HNF4G: variants seen among roughly 807,000 people sequenced by gnomAD.
HNF4G encodes hepatocyte nuclear factor 4 gamma, also known as hepatocyte nuclear factor 4-gamma.
A neutral mutation model predicts 50.9 loss-of-function variants in HNF4G; 21 were observed. That is an observed-to-expected ratio of 0.41 (90% CI 0.29 to 0.59). The LOEUF (loss-of-function observed/expected upper bound fraction) is 0.59. Ranked by LOEUF, HNF4G falls within the 20% of genes least tolerant of loss-of-function variation. The probability of loss-of-function intolerance (pLI) is 0.26; values close to 1 mark genes in which losing one functional copy is unlikely to be tolerated. For missense variants in HNF4G, 527 were observed against 559.4 expected (o/e 0.94, Z 0.58); for synonymous variants, 198 against 185.6 (o/e 1.07, Z -0.54).
chr8:75,466,420 C>A (rs1462185365), intron 1 of HNF4G, among the ~76,000 whole-genome samples: 2 of 151,990 alleles, frequency 1.3e-5, no homozygotes, highest in Non-Finnish European at 2.9e-5. Context: ...CCTTCTATGG[C>A]ATTTTTTTCA....
At chr8:75,473,839 C>T (rs7006633) in intron 1 of HNF4G, among the ~76,000 whole-genome samples, 24,490 of 151,132 alleles carry the variant, frequency 0.16, 2,290 homozygotes, top group African/African-American at 0.25. Context: ...GTTTCTTGGG[C>T]ACGGTTTGGG....
Position 75,551,379 on chromosome 8 carries a change from T to G in HNF4G, c.383-9T>G, listed in dbSNP as rs753811196. ...AGTGCTCAATAAATACTGTGTTTTT[T>G]CCCCCTAGCTGTACAAAATGAACGT... On this transcript the variant is annotated splice_polypyrimidine_tract_variant and intron_variant, in intron 3 of 9. Coordinates refer to ENST00000396423, the MANE Select transcript of HNF4G (RefSeq NM_004133.5). 2.1e-5 allele frequency: 33 copies of G among 1,546,206 alleles called. No individual in the cohort carries two copies. Among genetic ancestry groups the G allele is most frequent in the African/African-American group, 2.7e-5 (2 of 73,490 alleles).
intron 1 of HNF4G, among the ~76,000 whole-genome samples, chr8:75,423,215 C>G (rs991641439): frequency 6.6e-6 from 1 of 151,954 alleles, no homozygotes; most frequent in Admixed American, 6.6e-5. Context: ...CATGCCTTCT[C>G]TAAGTCATTC....
chr8:75,531,290 T>G (rs1806320090), intron 2 of HNF4G, among the ~76,000 whole-genome samples: 1 of 152,126 alleles, frequency 6.6e-6, no homozygotes, highest in South Asian at 2.1e-4. Context: ...GCTCATCAAG[T>G]TCCATGAAGG....
intron 1 of HNF4G, among the ~76,000 whole-genome samples, chr8:75,418,456 C>T (rs924256472): frequency 3.9e-5 from 6 of 152,106 alleles, no homozygotes; most frequent in African/African-American, 1.2e-4. Context: ...TATTTGTTTT[C>T]GACTATCAAT....
intron 2 of HNF4G, among the ~76,000 whole-genome samples, chr8:75,509,545 A>G (rs1237697016): frequency 6.6e-6 from 1 of 152,230 alleles, no homozygotes; most frequent in Non-Finnish European, 1.5e-5. Context: ...TAAGACTTTT[A>G]GATAAGGCTC....
chr8:75,547,097 T>C (rs1806802646), intron 2 of HNF4G, among the ~76,000 whole-genome samples: 2 of 152,172 alleles, frequency 1.3e-5, no homozygotes, highest in South Asian at 2.1e-4. Context: ...GTACTCTCAA[T>C]GTTGTCCTCA....
At chr8:75,459,513 G>T (rs1282384692) in intron 1 of HNF4G, among the ~76,000 whole-genome samples, 3 of 152,126 alleles carry the variant, frequency 2.0e-5, no homozygotes, top group Admixed American at 2.0e-4. Flanking sequence ...GATCATAAAA[G>T]ATTTATTCTA....
chr8:75,455,333 T>A (rs184583704), intron 1 of HNF4G, among the ~76,000 whole-genome samples: 50 of 152,328 alleles, frequency 3.3e-4, no homozygotes, highest in African/African-American at 1.1e-3. Context: ...CTAGAAAGAT[T>A]GTATTTGTTT....
At chr8:75,514,337 T>C (rs1161466238) in intron 2 of HNF4G, among the ~76,000 whole-genome samples, 10 of 140,794 alleles carry the variant, frequency 7.1e-5, no homozygotes, top group Non-Finnish European at 1.6e-4. Flanking sequence ...TTCTTTTTTT[T>C]CCTTTCTTTC....
chr8:75,474,802 A>G (rs1812202704), intron 1 of HNF4G, among the ~76,000 whole-genome samples: 1 of 151,834 alleles, frequency 6.6e-6, no homozygotes, highest in South Asian at 2.1e-4. Context: ...GATTCACGCC[A>G]TTCTCCTGCC....
At chr8:75,530,440 A>G (rs1200882894) in intron 2 of HNF4G, among the ~76,000 whole-genome samples, 1 of 151,722 alleles carries the variant, frequency 6.6e-6, no homozygotes, top group Non-Finnish European at 1.5e-5. Context: ...TAAAAAAAAA[A>G]AATACTACCT....
rs76098620 is a variant in HNF4G, at chr8:75,496,511, A to G, written c.-24+6303A>G. Reference sequence around the variant, plus strand: ...TTTCTCAGGGCATTTTCAAACTCCTAGTTATTTTAAACAGCCACCAGAATT... The same window carrying G: ...TTTCTCAGGGCATTTTCAAACTCCTGGTTATTTTAAACAGCCACCAGAATT... On this transcript the variant is annotated intron_variant, in intron 2 of 10. Transcript: ENST00000354370. Among the ~76,000 whole-genome samples, 92 of 152,152 alleles carry G rather than the reference A, an allele frequency of 6.0e-4. 2 individuals carry two copies. The highest frequency in any genetic ancestry group is 1.2e-3 in the Non-Finnish European group (84 of 68,002).
chr8:75,493,943 T>C (rs1400234072), intron 2 of HNF4G, among the ~76,000 whole-genome samples: 6 of 152,204 alleles, frequency 3.9e-5, no homozygotes, highest in African/African-American at 1.4e-4. Flanking sequence ...TGCAGACATA[T>C]ACATCAATGC....
chr8:75,415,456 GA>G (rs1810611447), intron 1 of HNF4G, among the ~76,000 whole-genome samples: 1 of 152,002 alleles, frequency 6.6e-6, no homozygotes, highest in African/African-American at 2.4e-5. Context: ...GAGTAAAATA[GA>G]AAAAGGTGAT....
intron 1 of HNF4G, among the ~76,000 whole-genome samples, chr8:75,421,954 C>T (rs922040291): frequency 1.3e-5 from 2 of 151,990 alleles, no homozygotes; most frequent in African/African-American, 2.4e-5. Flanking sequence ...TGTGTGTGCG[C>T]GTCAGGTGGA....
chr8:75,434,082 C>T (rs756819901), intron 1 of HNF4G, among the ~76,000 whole-genome samples: 1 of 147,998 alleles, frequency 6.8e-6, no homozygotes, highest in Non-Finnish European at 1.5e-5. Flanking sequence ...CGGCTCACTA[C>T]AACCTCCGCT....
chr8:75,414,133 C>G (rs993778430), intron 1 of HNF4G, among the ~76,000 whole-genome samples: 5 of 152,018 alleles, frequency 3.3e-5, no homozygotes, highest in Admixed American at 2.0e-4. Flanking sequence ...CATTTCTGCA[C>G]CCATCCCCCT....
chr8:75,546,912 T>C (rs1806798329), intron 2 of HNF4G, among the ~76,000 whole-genome samples: 1 of 152,210 alleles, frequency 6.6e-6, no homozygotes, highest in Non-Finnish European at 1.5e-5. Context: ...GGTTATACTA[T>C]AACTTTATGT....
Sources: allele counts gnomAD v4.1 joint callset (sites outside exome capture counted in the v4.1 genomes callset), GRCh38; gene constraint gnomAD v4.1.1; transcripts MANE v1.5; gene names NCBI Gene and HGNC (gene_info 2026-07-23, HGNC 2026-07-21).